EML6: variants seen among roughly 807,000 people sequenced by gnomAD.
EML6 encodes EMAP like 6, also known as echinoderm microtubule-associated protein-like 6.
In EML6, 154 loss-of-function variants were observed where a neutral mutation model predicts 240.1. The observed-to-expected ratio is 0.64, with a 90% CI of 0.56 to 0.73. The LOEUF is 0.73. Among genes scored for constraint, EML6 ranks in the 30% least tolerant of loss-of-function variants. EML6 has a pLI of 0.00. For missense variants in EML6, 2,964 were observed against 2,474.6 expected (o/e 1.20, Z -4.20); for synonymous variants, 1,148 against 899.0 (o/e 1.28, Z -4.95).
At chr2:54,805,590 T>G (rs537428562) in intron 2 of EML6, among the ~76,000 whole-genome samples, 2 of 152,208 alleles carry the variant, frequency 1.3e-5, no homozygotes, top group African/African-American at 2.4e-5. Context: ...ACTTTGGTGA[T>G]TTTGTTGTTT....
intron 2 of EML6, among the ~76,000 whole-genome samples, chr2:54,744,941 CA>C (rs1683842975): frequency 1.1e-4 from 16 of 149,772 alleles, no homozygotes; most frequent in South Asian, 4.2e-4. Flanking sequence ...CACACACACA[CA>C]CACACACACA....
At chr2:54,804,327 G>T (rs1338054494) in intron 2 of EML6, among the ~76,000 whole-genome samples, 1 of 152,196 alleles carries the variant, frequency 6.6e-6, no homozygotes, top group Non-Finnish European at 1.5e-5. Context: ...TTAAAGAGAG[G>T]AGGAAAAAAG....
chr2:54,949,005 C>T (rs1675829386), intron 29 of EML6, 45 bp downstream of exon 29: 5 of 1,382,026 alleles, frequency 3.6e-6, no homozygotes, highest in Non-Finnish European at 5.0e-6. Context: ...CGTTCTAAGA[C>T]ATACCTGGTA....
chr2:54,748,765 G>C (rs544409678), intron 2 of EML6, among the ~76,000 whole-genome samples: 46 of 152,128 alleles, frequency 3.0e-4, no homozygotes, highest in African/African-American at 9.9e-4. Context: ...GTCTTGCTTT[G>C]TTGCCCAGGC....
At chr2:54,735,853 T>C (rs1683365871) in intron 2 of EML6, among the ~76,000 whole-genome samples, 1 of 152,242 alleles carries the variant, frequency 6.6e-6, no homozygotes, top group Admixed American at 6.5e-5. Context: ...ATCTGCCAGC[T>C]CTAACTAAAT....
intron 17 of EML6, among the ~76,000 whole-genome samples, chr2:54,888,919 T>G (rs1672305065): frequency 6.6e-6 from 1 of 152,218 alleles, no homozygotes; most frequent in Non-Finnish European, 1.5e-5. Context: ...ATATGCTTAG[T>G]TTTGTGAGAA....
intron 25 of EML6, among the ~76,000 whole-genome samples, chr2:54,913,431 T>TTAG (rs1451367280): frequency 2.6e-5 from 4 of 152,168 alleles, no homozygotes; most frequent in African/African-American, 9.6e-5. Flanking sequence ...TATAATAGTT[T>TTAG]TAGTAGAGCC....
intron 2 of EML6, among the ~76,000 whole-genome samples, chr2:54,741,981 C>A (rs1176005328): frequency 6.6e-6 from 1 of 152,150 alleles, no homozygotes; most frequent in Admixed American, 6.5e-5. Context: ...TTAATATTTA[C>A]AAAGGACAAA....
At position 54,961,184 on chromosome 2, in the gene EML6, GT is replaced by G. The variant is rs575621987; in HGVS notation, c.4968+869del. On this transcript the variant is annotated intron_variant, in intron 35 of 41. Transcript: ENST00000356458. ...GGAGCCTGGAAGTTATCAGGAAGTAGTTTTTTTTTTTTTTTTTTTGAGACGG... is the reference window on the plus strand; with the variant it reads ...GGAGCCTGGAAGTTATCAGGAAGTAGTTTTTTTTTTTTTTTTTTGAGACGG... 1.0e-3 allele frequency among the ~76,000 whole-genome samples: 56 copies of G among 55,414 alleles called. 11 individuals are homozygous for G. Among genetic ancestry groups the G allele is most frequent in the South Asian group, 3.4e-3 (5 of 1,454 alleles). The allele number at this position is 55,414 out of a possible 152,430, so 36.4% of individuals were successfully genotyped here. A position where few individuals can be genotyped will look rare whatever the true frequency, so the allele number is the denominator to read the frequency against.
chr2:54,945,297 C>G (rs1436707610), intron 28 of EML6, among the ~76,000 whole-genome samples: 4 of 131,836 alleles, frequency 3.0e-5, no homozygotes, highest in Non-Finnish European at 6.5e-5. Context: ...TCCCCCTTCT[C>G]TCTCCCCTCC....
At chr2:54,855,012 A>C (rs12713283) in intron 11 of EML6, among the ~76,000 whole-genome samples, 61,868 of 152,092 alleles carry the variant, frequency 0.41, 12,928 homozygotes, top group African/African-American at 0.44. Flanking sequence ...TAACTCGATG[A>C]TAATTGATAT....
At position 54,898,755 on chromosome 2, in the gene EML6, T is replaced by C. The variant is rs149658892; in HGVS notation, c.2983-886T>C. Among the ~76,000 whole-genome samples, 644 of 152,342 alleles carry C rather than the reference T, an allele frequency of 4.2e-3. 2 individuals are homozygous for C. Among genetic ancestry groups the C allele is most frequent in the Middle Eastern group, 0.017 (5 of 294 alleles). ...TTTTGCTTTACTAAGCAAAGCCTTTTTGTAATTAGCCATTAAAAAGCCAAA... is the reference window on the plus strand; with the variant it reads ...TTTTGCTTTACTAAGCAAAGCCTTTCTGTAATTAGCCATTAAAAAGCCAAA... On this transcript the variant is annotated intron_variant, in intron 21 of 41. Transcript: ENST00000356458.
At chr2:54,957,068 A>G (rs565020263) in intron 32 of EML6, among the ~76,000 whole-genome samples, 5 of 152,170 alleles carry the variant, frequency 3.3e-5, no homozygotes, top group South Asian at 4.1e-4. Context: ...ACTTACTTCA[A>G]TTCTTTTTAT....
intron 13 of EML6, among the ~76,000 whole-genome samples, chr2:54,864,923 T>G (rs1361235580): frequency 3.3e-5 from 5 of 152,236 alleles, no homozygotes; most frequent in Admixed American, 6.5e-5. Context: ...GTCAGCCCCA[T>G]GACGAAATCA....
chr2:54,931,304 C>T (rs1437921515), intron 28 of EML6, among the ~76,000 whole-genome samples: 2 of 152,134 alleles, frequency 1.3e-5, no homozygotes, highest in African/African-American at 4.8e-5. Context: ...CCAGGCAAGG[C>T]AGGGCATTTG....
At position 54,917,011 on chromosome 2, in the gene EML6, T is replaced by G. The variant is rs559398453; in HGVS notation, c.3675+76T>G. The G allele has an allele frequency of 1.4e-4, 165 of 1,197,960 alleles. 2 individuals are homozygous for G. The African/African-American group carries it at 2.5e-3, about 18-fold the overall frequency. The allele number at this position is 1,197,960 out of a possible 1,614,324, so 74.2% of individuals were successfully genotyped here. On this transcript the variant is annotated intron_variant, in intron 26 of 41. Transcript: ENST00000356458. ...TAAATATTGTATCTAAGTGCATTTTTAAAAATTTGAAGTCATAAGCAATTC... is the reference window on the plus strand; with the variant it reads ...TAAATATTGTATCTAAGTGCATTTTGAAAAATTTGAAGTCATAAGCAATTC...
intron 2 of EML6, among the ~76,000 whole-genome samples, chr2:54,797,998 TAA>T (rs1669913105): frequency 6.6e-6 from 1 of 152,178 alleles, no homozygotes; most frequent in South Asian, 2.1e-4. Flanking sequence ...TACTTCAATA[TAA>T]GTGTCTGGAT....
intron 38 of EML6, among the ~76,000 whole-genome samples, chr2:54,965,372 T>C (rs1195210689): frequency 6.6e-6 from 1 of 152,216 alleles, no homozygotes; most frequent in Non-Finnish European, 1.5e-5. Context: ...GCTAGACTTT[T>C]AGATGGACAA....
intron 2 of EML6, among the ~76,000 whole-genome samples, chr2:54,741,233 A>G (rs924365314): frequency 4.1e-4 from 62 of 151,940 alleles, no homozygotes; most frequent in African/African-American, 1.3e-3. Context: ...TTTTGTGTGG[A>G]TGGTTACAAT....
Sources: gnomAD v4.1 joint callset for allele counts (sites outside exome capture counted in the v4.1 genomes callset) on GRCh38, gnomAD v4.1.1 for gene constraint, MANE v1.5 for transcripts, NCBI Gene and HGNC (gene_info 2026-07-23, HGNC 2026-07-21) for gene names.